The following EFHC1 variants were observed in gnomAD, a reference collection of about 807,000 sequenced individuals.
EFHC1 encodes the protein EF-hand domain containing 1, also known as EF-hand domain-containing protein 1.
EFHC1 carries 53 observed loss-of-function variants against 69.9 expected under a neutral mutation model. The ratio of observed to expected loss-of-function variants is 0.76; its 90% CI spans 0.61 to 0.95. The LOEUF is 0.95. Ranked by LOEUF, EFHC1 falls within the 40% of genes least tolerant of loss-of-function variation. The pLI is 0.00. For missense variants in EFHC1, 739 were observed against 798.7 expected, an observed-to-expected ratio of 0.93 and a Z score of 0.90; for synonymous variants, 256 against 278.4, an observed-to-expected ratio of 0.92 and a Z score of 0.80.
intron 5 of EFHC1, among the ~76,000 whole-genome samples, chr6:52,458,273 A>G (rs886303297): frequency 1.3e-5 from 2 of 152,142 alleles, no homozygotes; most frequent in Non-Finnish European, 2.9e-5. Flanking sequence ...AGGGGGAAAA[A>G]AAAAGCAAAT....
intron 3 of EFHC1, among the ~76,000 whole-genome samples, chr6:52,448,866 T>C (rs1406700292): frequency 1.3e-5 from 2 of 152,240 alleles, no homozygotes; most frequent in Non-Finnish European, 2.9e-5. Flanking sequence ...AAATGAAGCC[T>C]ACTTGATTGT....
At chr6:52,439,979 T>A (rs1424351804) in intron 3 of EFHC1, among the ~76,000 whole-genome samples, 1 of 152,164 alleles carries the variant, frequency 6.6e-6, no homozygotes, top group Non-Finnish European at 1.5e-5. Context: ...TACAGTTGTG[T>A]TTTCATAACA....
At position 52,454,240 on chromosome 6, in the gene EFHC1, T is replaced by A. The variant is rs867157961; in HGVS notation, c.869T>A (p.Leu290His). Reference sequence around the variant, plus strand: ...AATGATGGGAGAGATCCTTTCCCACTCCTAATGAACCGCCAGCGTGTGCCC... The same window carrying A: ...AATGATGGGAGAGATCCTTTCCCACACCTAATGAACCGCCAGCGTGTGCCC... ...ERNDGRDPFP[L>H]LMNRQRVPKV... Residue 290 changes from leucine to histidine, a missense_variant, in exon 5 of 11, where the codon CTC becomes CAC. Leu to His is a moderately conservative substitution (Grantham distance 99). Coordinates refer to ENST00000371068, the MANE Select transcript of EFHC1 (RefSeq NM_018100.4). 6.2e-7 allele frequency: 1 copy of A among 1,614,186 alleles called. No homozygotes were observed. The highest frequency in any genetic ancestry group is 1.1e-5 in the South Asian group (1 of 91,088).
In EFHC1 at chr6:52,492,603, T is replaced by G; in HGVS notation, c.*262T>G. ...CCACAGGGGGCCCAAATATTTCCTTTCTTTCTTTTTAAAAAAATAAATTTT... is the reference window on the plus strand; with the variant it reads ...CCACAGGGGGCCCAAATATTTCCTTGCTTTCTTTTTAAAAAAATAAATTTT... On this transcript the variant is annotated 3_prime_UTR_variant, in exon 11 of 11. Coordinates refer to ENST00000371068, the MANE Select transcript of EFHC1 (RefSeq NM_018100.4). The G allele has an allele frequency of 1.7e-6, 1 of 586,662 alleles. No homozygotes were observed. The highest frequency in any genetic ancestry group is 3.8e-5 in the East Asian group (1 of 26,530). 36.3% of individuals were successfully genotyped at this position (586,662 alleles called of 1,614,324 possible). A position where few individuals can be genotyped will look rare whatever the true frequency, so the allele number is the denominator to read the frequency against.
At position 52,469,468 on chromosome 6, in the gene EFHC1, G is replaced by C; in HGVS notation, c.1273G>C (p.Val425Leu). 6.2e-7 allele frequency: 1 copy of C among 1,613,750 alleles called. No individual in the cohort carries two copies. Among genetic ancestry groups the C allele is most frequent in the African/African-American group, 1.3e-5 (1 of 75,032 alleles). The change falls in exon 7 of 11, where the codon GTA becomes CTA. Residue 425 changes from valine to leucine, a missense_variant. Physicochemically the swap from Val to Leu is conservative, Grantham distance 32. Transcript: ENST00000371068. ...TAACAAGGTGCTTCGTTATTTGGCTGTACTGGTGAGGCTAATTTTTATATA... is the reference window on the plus strand; with the variant it reads ...TAACAAGGTGCTTCGTTATTTGGCTCTACTGGTGAGGCTAATTTTTATATA... ...NDNKVLRYLA[V>L]LESPIPEDKD...
chr6:52,485,531 C>G (rs1765768633), intron 9 of EFHC1: 2 of 152,048 alleles, frequency 1.3e-5, no homozygotes, highest in Admixed American at 1.3e-4. Context: ...AATCTGATCC[C>G]CATTGTTGGA....
chr6:52,422,406 G>A (rs1029259326), intron 1 of EFHC1, among the ~76,000 whole-genome samples: 6 of 152,124 alleles, frequency 3.9e-5, no homozygotes, highest in African/African-American at 1.4e-4. Context: ...AGCAGTCCCT[G>A]TCAACTGACT....
Position 52,492,672 on chromosome 6 carries a change from T to C in EFHC1, c.*331T>C, listed in dbSNP as rs140558732. 581 of 460,148 alleles carry C rather than the reference T, an allele frequency of 1.3e-3. 8 individuals are homozygous for C. The highest frequency in any genetic ancestry group is 0.011 in the African/African-American group (529 of 50,210). 28.5% of individuals were successfully genotyped at this position (460,148 alleles called of 1,614,324 possible). On this transcript the variant is annotated 3_prime_UTR_variant, in exon 11 of 11. Coordinates refer to ENST00000371068, the MANE Select transcript of EFHC1 (RefSeq NM_018100.4). ...CTCTGTCATACAGGCTGGAGTGTGG[T>C]GGCACTATCCTAGTTCTATGAAGCC...
chr6:52,461,654 C>T (rs904040108), intron 5 of EFHC1, among the ~76,000 whole-genome samples: 4 of 152,050 alleles, frequency 2.6e-5, no homozygotes, highest in South Asian at 2.1e-4. Flanking sequence ...CACTGCTTTC[C>T]ACGGTGTTTG....
Position 52,445,551 on chromosome 6 carries a change from C to G in EFHC1, c.573+6960C>G, listed in dbSNP as rs183035624. Reference sequence around the variant, plus strand: ...ATTTTTTGAAGGGTTTTTTGTGTCTCTATCTCCTTCAGTTCTGCTCTGTTC... The same window carrying G: ...ATTTTTTGAAGGGTTTTTTGTGTCTGTATCTCCTTCAGTTCTGCTCTGTTC... On this transcript the variant is annotated intron_variant, in intron 3 of 10. Transcript: ENST00000371068. 6.0e-5 allele frequency among the ~76,000 whole-genome samples: 9 copies of G among 150,290 alleles called. No individual in the cohort carries two copies. In the Admixed American group the frequency reaches 6.1e-4, roughly 10 times the overall value.
At chr6:52,427,106 T>A (rs1562443139) in intron 2 of EFHC1, among the ~76,000 whole-genome samples, 1 of 152,234 alleles carries the variant, frequency 6.6e-6, no homozygotes, top group East Asian at 1.9e-4. Flanking sequence ...CTAAAATATG[T>A]AACTAATTCA....
intron 9 of EFHC1, chr6:52,485,151 C>T (rs891344343): frequency 1.4e-4 from 22 of 151,842 alleles, no homozygotes; most frequent in Admixed American, 1.2e-3. Flanking sequence ...ACTAGAGAAG[C>T]GTAGTTTGGT....
At chr6:52,434,047 C>G (rs1764473238) in intron 2 of EFHC1, among the ~76,000 whole-genome samples, 1 of 151,838 alleles carries the variant, frequency 6.6e-6, no homozygotes, top group Admixed American at 6.6e-5. Flanking sequence ...CCAACAGCAC[C>G]AAGTCTGTTT....
Position 52,494,620 on chromosome 6 carries a change from T to C in EFHC1, c.*2279T>C, listed in dbSNP as rs1228736330. 2.2e-6 allele frequency: 1 copy of C among 454,058 alleles called. No individual in the cohort carries two copies. The highest frequency in any genetic ancestry group is 2.3e-5 in the Admixed American group (1 of 42,574). The allele number at this position is 454,058 out of a possible 1,614,324, so 28.1% of individuals were successfully genotyped here. On this transcript the variant is annotated 3_prime_UTR_variant, in exon 11 of 11. Transcript: ENST00000371068. ...TGGATTCAGGGGGTACATGTGCAGGTTTGTTACATGAGTATATTGCACCCA... is the reference window on the plus strand; with the variant it reads ...TGGATTCAGGGGGTACATGTGCAGGCTTGTTACATGAGTATATTGCACCCA...
At chr6:52,428,971 G>T (rs1467715749) in intron 2 of EFHC1, among the ~76,000 whole-genome samples, 1 of 152,090 alleles carries the variant, frequency 6.6e-6, no homozygotes, top group East Asian at 1.9e-4. Flanking sequence ...TCATATGTTT[G>T]TTGGCCATTT....
intron 2 of EFHC1, among the ~76,000 whole-genome samples, chr6:52,426,271 A>G (rs1764298915): frequency 6.6e-6 from 1 of 152,166 alleles, no homozygotes. Context: ...TACCAGATCT[A>G]GAGAGGTTTA....
At chr6:52,465,194 C>G (rs1170839045) in intron 6 of EFHC1, 79 bp downstream of exon 6, 1 of 1,212,396 alleles carries the variant, frequency 8.2e-7, no homozygotes, top group Non-Finnish European at 1.2e-6. Flanking sequence ...GACTTCTATG[C>G]AAATATTCGA....
chr6:52,465,001 T>G lies in EFHC1; in HGVS notation c.1023T>G (p.Thr341=). 6.2e-7 allele frequency: 1 copy of G among 1,614,214 alleles called. No homozygotes were observed. The highest frequency in any genetic ancestry group is 1.3e-5 in the African/African-American group (1 of 75,060). Reference sequence around the variant, plus strand: ...AGTCACTCACTATCCTTGGGAGAACTTTCTTCATTTATGATTGTGATCCAT... The same window carrying G: ...AGTCACTCACTATCCTTGGGAGAACGTTCTTCATTTATGATTGTGATCCAT... ...VGKSLTILGR[T]FFIYDCDPFT... Residue 341 remains threonine, a synonymous_variant, in exon 6 of 11, where the codon ACT becomes ACG. Transcript: ENST00000371068.
In EFHC1 at chr6:52,469,418, A is replaced by G. The variant is rs773810917; in HGVS notation, c.1223A>G (p.Asp408Gly). 2 of 1,614,060 alleles carry G rather than the reference A, an allele frequency of 1.2e-6. No homozygotes were observed. The highest frequency in any genetic ancestry group is 2.2e-5 in the South Asian group (2 of 91,076). ...FALIPKAPKK[D>G]VIKMLVNDNK... ...CTCATTCCAAAAGCTCCAAAAAAAGACGTTATTAAAATGCTGGTGAATGAT... is the reference window on the plus strand; with the variant it reads ...CTCATTCCAAAAGCTCCAAAAAAAGGCGTTATTAAAATGCTGGTGAATGAT... The change falls in exon 7 of 11, where the codon GAC (aspartate) becomes GGC (glycine). Residue 408 changes from aspartate to glycine, a missense_variant. Coordinates refer to ENST00000371068, the MANE Select transcript of EFHC1 (RefSeq NM_018100.4).
Sources: gnomAD v4.1 joint callset for allele counts (sites outside exome capture counted in the v4.1 genomes callset) on GRCh38, gnomAD v4.1.1 for gene constraint, MANE v1.5 for transcripts, NCBI Gene and HGNC (gene_info 2026-07-23, HGNC 2026-07-21) for gene names.